The following SLC22A24 variants were observed in gnomAD, a reference collection of about 807,000 sequenced individuals.
SLC22A24 encodes the protein steroid transmembrane transporter SLC22A24.
Under a neutral mutation model 49.8 loss-of-function variants are expected in SLC22A24, and 53 were observed. The observed-to-expected ratio is 1.06, with a 90% CI of 0.85 to 1.34. The LOEUF (loss-of-function observed/expected upper bound fraction) is 1.34, where lower values mean the gene tolerates loss of function less well. SLC22A24 is among the 40% of genes most tolerant of loss of function. The pLI is 0.00. For synonymous variants in SLC22A24, 302 were observed against 256.4 expected (o/e 1.18, Z -1.70); for missense variants, 786 against 675.9 (o/e 1.16, Z -1.81).
At position 63,132,310 on chromosome 11, in the gene SLC22A24, G is replaced by GT. The variant is rs1185369230; in HGVS notation, c.506+2354dup. Among the ~76,000 whole-genome samples the GT allele has an allele frequency of 3.9e-5, 6 of 152,146 alleles. No homozygotes were observed. The East Asian group carries it at 9.6e-4, about 24-fold the overall frequency. The stretch of plus-strand genomic sequence containing the variant: ...ACTTGTCAAACTCATTCTTCATCCA[G>GT]TTTTTTTCCCTTGCTGGCAAGCAGC... On this transcript the variant is annotated intron_variant, in intron 2 of 9. Coordinates refer to ENST00000612278, the MANE Select transcript of SLC22A24 (RefSeq NM_001136506.2).
chr11:63,141,939 G>A (rs1267737191), intron 1 of SLC22A24, among the ~76,000 whole-genome samples: 1 of 151,634 alleles, frequency 6.6e-6, no homozygotes, highest in East Asian at 1.9e-4. Context: ...TTACACTTTT[G>A]TTAGCTGTTC....
chr11:63,114,373 A>C (rs60634765), intron 4 of SLC22A24, among the ~76,000 whole-genome samples: 12,247 of 152,204 alleles, frequency 0.08, 524 homozygotes, highest in African/African-American at 0.11. Flanking sequence ...TGAAACTTGT[A>C]CATGGGTCAT....
At chr11:63,083,048 C>G (rs962445314) in intron 7 of SLC22A24, among the ~76,000 whole-genome samples, 195 bp downstream of exon 7, 7 of 151,652 alleles carry the variant, frequency 4.6e-5, no homozygotes, top group African/African-American at 1.7e-4. Flanking sequence ...TCACGGCTGA[C>G]ATTGATTGAG....
chr11:63,138,662 A>G (rs989232966), intron 1 of SLC22A24, among the ~76,000 whole-genome samples: 6 of 151,356 alleles, frequency 4.0e-5, no homozygotes, highest in Admixed American at 1.3e-4. Context: ...AAAAAAAAAA[A>G]AAAAAAAGAA....
intron 5 of SLC22A24, among the ~76,000 whole-genome samples, chr11:63,102,089 A>G (rs1199286594): frequency 6.6e-6 from 1 of 152,150 alleles, no homozygotes; most frequent in Non-Finnish European, 1.5e-5. Context: ...CTAAAATAGA[A>G]TAATTGAATT....
Position 63,115,221 on chromosome 11 carries a change from C to G in SLC22A24, c.830+3691G>C, listed in dbSNP as rs148392552. Among the ~76,000 whole-genome samples the G allele has an allele frequency of 6.3e-3, 961 of 152,354 alleles. 9 individuals carry two copies. Among genetic ancestry groups the G allele is most frequent in the African/African-American group, 0.022 (925 of 41,588 alleles). On this transcript the variant is annotated intron_variant, in intron 4 of 9. Transcript: ENST00000612278. ...TGGCTGAGCTGTGGTGGGCTCCACC[C>G]AGTTCGAGCTTCCTGGCCACTTTAT...
intron 4 of SLC22A24, among the ~76,000 whole-genome samples, chr11:63,104,569 TATAAAG>T (rs898800022): frequency 1.3e-5 from 2 of 152,110 alleles, no homozygotes; most frequent in East Asian, 3.9e-4. Context: ...CTGGGTAACT[TATAAAG>T]AAAGAAAGGT....
At chr11:63,109,753 T>G (rs957453146) in intron 4 of SLC22A24, among the ~76,000 whole-genome samples, 8 of 152,208 alleles carry the variant, frequency 5.3e-5, no homozygotes, top group African/African-American at 1.7e-4. Context: ...ATTAGCCCTT[T>G]GTCAGATGAG....
chr11:63,128,862 T>C (rs1373410475), intron 2 of SLC22A24, among the ~76,000 whole-genome samples: 2 of 152,110 alleles, frequency 1.3e-5, no homozygotes, highest in Non-Finnish European at 2.9e-5. Context: ...GTGGTAGTGG[T>C]CCCCCAGGCA....
At chr11:63,100,904 T>C (rs1331612680) in intron 5 of SLC22A24, among the ~76,000 whole-genome samples, 1 of 152,110 alleles carries the variant, frequency 6.6e-6, no homozygotes, top group Non-Finnish European at 1.5e-5. Context: ...TCAAAATGGA[T>C]TAAATGCTTA....
intron 5 of SLC22A24, among the ~76,000 whole-genome samples, chr11:63,099,355 C>T (rs904834497): frequency 3.6e-5 from 4 of 111,802 alleles, no homozygotes; most frequent in Admixed American, 1.9e-4. Context: ...ACCACCACAC[C>T]TGGCTAATTT....
At chr11:63,100,406 AG>A (rs1235278553) in intron 5 of SLC22A24, among the ~76,000 whole-genome samples, 1 of 152,204 alleles carries the variant, frequency 6.6e-6, no homozygotes, top group African/African-American at 2.4e-5. Flanking sequence ...CACTGATGCA[AG>A]AAATCGAAGA....
chr11:63,128,384 G>T (rs1027127219), intron 2 of SLC22A24, among the ~76,000 whole-genome samples: 9 of 152,022 alleles, frequency 5.9e-5, no homozygotes, highest in African/African-American at 2.2e-4. Flanking sequence ...AAAAGCACCC[G>T]CTACTTAGCA....
At chr11:63,098,661 T>TCAAAAAAACAAACAAGCAAG (rs2087070324) in intron 5 of SLC22A24, among the ~76,000 whole-genome samples, 1 of 151,676 alleles carries the variant, frequency 6.6e-6, no homozygotes, top group African/African-American at 2.4e-5. Flanking sequence ...AGACTCCATC[T>TCAAAAAAACAAACAAGCAAG]CAAAAAAACA....
Position 63,143,468 on chromosome 11 carries a change from G to C in SLC22A24, c.312C>G (p.Thr104=), listed in dbSNP as rs372581361. The change falls in exon 1 of 10, where the codon ACC becomes ACG. Residue 104 remains threonine, a synonymous_variant. Transcript: ENST00000612278. Reference sequence around the variant, plus strand: ...TGTCTGGCTCATTTGTGTTGGGGAAGGTCCCGTTCAGGTGAAGGAGCTGCC... The same window carrying C: ...TGTCTGGCTCATTTGTGTTGGGGAACGTCCCGTTCAGGTGAAGGAGCTGCC... ...PQWQLLHLNG[T]FPNTNEPDTE... The C allele has an allele frequency of 6.3e-6, 10 of 1,595,646 alleles. No homozygotes were observed. Among genetic ancestry groups the C allele is most frequent in the Non-Finnish European group, 7.7e-6 (9 of 1,171,376 alleles).
At chr11:63,103,965 A>G (rs1015904805) in intron 5 of SLC22A24, among the ~76,000 whole-genome samples, 4 of 152,174 alleles carry the variant, frequency 2.6e-5, no homozygotes, top group Non-Finnish European at 4.4e-5. Context: ...AATCAATTTA[A>G]TTAAACAATT....
chr11:63,127,331 G>A (rs142717611), intron 2 of SLC22A24, among the ~76,000 whole-genome samples: 1,661 of 152,302 alleles, frequency 0.011, 12 homozygotes, highest in Non-Finnish European at 0.017. Context: ...TGGCTGCATA[G>A]TATTCCATGG....
At chr11:63,106,758 C>A (rs191840149) in intron 4 of SLC22A24, among the ~76,000 whole-genome samples, 2 of 152,092 alleles carry the variant, frequency 1.3e-5, no homozygotes, top group African/African-American at 2.4e-5. Flanking sequence ...TATCCTTCAC[C>A]CACTTTTTGA....
At position 63,106,543 on chromosome 11, in the gene SLC22A24, T is replaced by C. The variant is rs144847128; in HGVS notation, c.831-2245A>G. ...ACAATGGTTGTCACTAGTTTTCCAC[T>C]AACAGTGTAAAAGTGTTCCTATTTC... On this transcript the variant is annotated intron_variant, in intron 4 of 9. Transcript: ENST00000612278. Among the ~76,000 whole-genome samples, 493 of 151,776 alleles carry C rather than the reference T, an allele frequency of 3.2e-3. 1 individual carries two copies. The highest frequency in any genetic ancestry group is 5.4e-3 in the Non-Finnish European group (363 of 67,736).
Sources: allele counts gnomAD v4.1 joint callset (sites outside exome capture counted in the v4.1 genomes callset), GRCh38; gene constraint gnomAD v4.1.1; transcripts MANE v1.5; gene names NCBI Gene and HGNC (gene_info 2026-07-23, HGNC 2026-07-21).